The following OGT variants were observed in gnomAD, a reference collection of about 807,000 sequenced individuals.
OGT encodes UDP-N-acetylglucosamine--peptide N-acetylglucosaminyltransferase 110 kDa subunit.
A neutral mutation model predicts 75.8 loss-of-function variants in OGT; 3 were observed. The observed-to-expected ratio is 0.04, with a 90% CI of 0.02 to 0.10. The LOEUF (loss-of-function observed/expected upper bound fraction) is 0.10. OGT is among the 10% of genes least tolerant of loss of function. OGT has a pLI of 1.00. For missense variants in OGT, 260 were observed against 824.4 expected (o/e 0.32, Z 8.38); for synonymous variants, 257 against 289.7 (o/e 0.89, Z 1.15).
intron 5 of OGT, among the ~76,000 whole-genome samples, chrX:71,550,265 G>GTC (rs2040293765): frequency 8.9e-6 from 1 of 112,516 alleles, no homozygotes; most frequent in African/African-American, 3.2e-5. Flanking sequence ...TCCTTTTGAT[G>GTC]ATAGCTATAC....
rs184649648 is a variant in OGT at position 71,575,381 on chromosome X, A to T, written c.*1587A>T. On this transcript the variant is annotated 3_prime_UTR_variant, in exon 22 of 22. Transcript: ENST00000373719. Reference sequence around the variant, plus strand: ...AACCAAATTTTGAGCAAGGAGTCTCAAAGGTAATTCTGAACCAGAATTACA... The same window carrying T: ...AACCAAATTTTGAGCAAGGAGTCTCTAAGGTAATTCTGAACCAGAATTACA... 8.9e-6 allele frequency: 1 copy of T among 112,709 alleles called. No individual in the cohort carries two copies. The highest frequency in any genetic ancestry group is 3.2e-5 in the African/African-American group (1 of 30,994). The allele number at this position is 112,709 out of a possible 1,213,427, so 9.3% of individuals were successfully genotyped here.
intron 1 of OGT, among the ~76,000 whole-genome samples, chrX:71,534,150 C>T (rs1219288348): frequency 9.0e-6 from 1 of 110,857 alleles, no homozygotes; most frequent in Non-Finnish European, 1.9e-5. Context: ...GCGTTGACCA[C>T]CCTGCCCGCC....
In OGT at chrX:71,563,340, T is replaced by C. The variant is rs1489459177; in HGVS notation, c.2277T>C (p.Pro759=). Residue 759 remains proline, a synonymous_variant, in exon 18 of 22, where the codon CCT becomes CCC. Transcript: ENST00000373719. The part of the protein sequence containing the change: ...PDVKIVKMKC[P]DGGDNADSSN... ...CATTTTTTTTTCAGATGAAGTGTCC[T>C]GATGGAGGAGACAATGCAGATAGCA... The C allele has an allele frequency of 8.3e-7, 1 of 1,208,492 alleles. No homozygotes were observed. Among genetic ancestry groups the C allele is most frequent in the Admixed American group, 2.2e-5 (1 of 45,760 alleles).
At chrX:71,546,644 TAA>T in intron 4 of OGT, 2 of 717,367 alleles carry the variant, frequency 2.8e-6, no homozygotes, top group Non-Finnish European at 3.3e-6. Flanking sequence ...CAAAGATAAG[TAA>T]AAGTTAATTG....
chrX:71,567,718 C>T lies in OGT; in HGVS notation c.2808C>T (p.Val936=). Residue 936 remains valine, a synonymous_variant, in exon 20 of 22, where the codon GTC becomes GTT. Transcript: ENST00000373719. The part of the protein sequence containing the change: ...LCNGHTTGMD[V]LWAGTPMVTM... The stretch of plus-strand genomic sequence containing the variant: ...ATGGGCACACCACAGGGATGGATGT[C>T]CTCTGGGCAGGGACCCCCATGGTGA... 2 of 1,201,118 alleles carry T rather than the reference C, an allele frequency of 1.7e-6. No homozygotes were observed. The highest frequency in any genetic ancestry group is 2.3e-6 in the Non-Finnish European group (2 of 887,704).
At chrX:71,546,530 C>T (rs2040259980) in intron 4 of OGT, 1 of 754,376 alleles carries the variant, frequency 1.3e-6, no homozygotes, top group Non-Finnish European at 1.6e-6. Flanking sequence ...AATTTGCCTC[C>T]ATGCCTGAAT....
chrX:71,550,469 G>A (rs966057060), intron 5 of OGT, among the ~76,000 whole-genome samples: 3 of 110,923 alleles, frequency 2.7e-5, no homozygotes, highest in Admixed American at 9.6e-5. Context: ...CTGCAACCTC[G>A]AACTCCTGGG....
chrX:71,562,526 C>CT (rs1442405873), intron 15 of OGT, among the ~76,000 whole-genome samples: 1 of 112,059 alleles, frequency 8.9e-6, no homozygotes, highest in Non-Finnish European at 1.9e-5. Flanking sequence ...TGGCAAGTGC[C>CT]TGTAATCCTG....
chrX:71,547,817 C>G, intron 4 of OGT, 90 bp from the exon 5 acceptor site: 1 of 1,042,341 alleles, frequency 9.6e-7, no homozygotes, highest in Non-Finnish European at 1.3e-6. Flanking sequence ...TTCCCCCCCT[C>G]CCCCCAATCT....
chrX:71,551,360 G>A (rs1192203429), intron 5 of OGT, among the ~76,000 whole-genome samples: 7 of 112,587 alleles, frequency 6.2e-5, no homozygotes, highest in African/African-American at 2.3e-4. Flanking sequence ...GGCCGGGCTT[G>A]GTGGCTCACG....
intron 18 of OGT, among the ~76,000 whole-genome samples, chrX:71,563,880 G>A (rs1005715500): frequency 5.4e-5 from 6 of 111,610 alleles, no homozygotes; most frequent in African/African-American, 1.6e-4. Context: ...CGTACTTACC[G>A]CTAACGTCTC....
At position 71,552,815 on chromosome X, in the gene OGT, G is replaced by T. The variant is rs755059175; in HGVS notation, c.649-1698G>T. Among the ~76,000 whole-genome samples the T allele has an allele frequency of 4.6e-5, 5 of 108,228 alleles. No homozygotes were observed. In the South Asian group the frequency reaches 2.1e-3, roughly 46 times the overall value. The allele number at this position is 108,228 out of a possible 115,157, so 94.0% of individuals were successfully genotyped here. On this transcript the variant is annotated intron_variant, in intron 5 of 21. Coordinates refer to ENST00000373719, the MANE Select transcript of OGT (RefSeq NM_181672.3). ...CTGAGATACATATTGAAGTATTTTT[G>T]AATGGAATATGTCTGGGCTTTGCTT... is the stretch of plus-strand genomic sequence containing the variant.
chrX:71,574,002 C>T lies in OGT; in HGVS notation c.*208C>T. 6.3e-6 allele frequency: 2 copies of T among 317,277 alleles called. No homozygotes were observed. Among genetic ancestry groups the T allele is most frequent in the Non-Finnish European group, 1.1e-5 (2 of 183,699 alleles). 26.1% of individuals were successfully genotyped at this position (317,277 alleles called of 1,213,427 possible). ...GGGAAACTGCTTTTCCACAAGGAAT[C>T]TCCGTAGAATTTTGCGGCGACCAGA... On this transcript the variant is annotated 3_prime_UTR_variant, in exon 22 of 22. Transcript: ENST00000373719.
intron 12 of OGT, among the ~76,000 whole-genome samples, chrX:71,558,132 G>A (rs1410047902): frequency 3.7e-5 from 4 of 108,903 alleles, no homozygotes; most frequent in Non-Finnish European, 7.6e-5. Flanking sequence ...TGTGTTTTTT[G>A]TAGAGATGGG....
chrX:71,556,822 T>A, intron 9 of OGT, 42 bp downstream of exon 9: 1 of 1,044,550 alleles, frequency 9.6e-7, no homozygotes, highest in Non-Finnish European at 1.3e-6. Context: ...TTATTTTTAA[T>A]TTTAAAATGT....
chrX:71,542,946 C>T (rs1407722152), intron 3 of OGT, among the ~76,000 whole-genome samples: 1 of 111,599 alleles, frequency 9.0e-6, no homozygotes, highest in East Asian at 2.8e-4. Context: ...GCCTTTTGTG[C>T]TTGAAGTGAT....
At position 71,547,566 on chromosome X, in the gene OGT, C is replaced by G. The variant is rs903178039; in HGVS notation, c.532-341C>G. On this transcript the variant is annotated intron_variant, in intron 4 of 21. Transcript: ENST00000373719. Reference sequence around the variant, plus strand: ...AGCACTTGAAAACATGACAAGGGCCCGTAGTTGTTTGGATAAGAGAACTCC... The same window carrying G: ...AGCACTTGAAAACATGACAAGGGCCGGTAGTTGTTTGGATAAGAGAACTCC... The G allele has an allele frequency of 4.0e-5, 33 of 825,306 alleles. No individual in the cohort carries two copies. In the East Asian group the frequency reaches 2.6e-3, roughly 66 times the overall value. 68.0% of individuals were successfully genotyped at this position (825,306 alleles called of 1,213,427 possible). A position where few individuals can be genotyped will look rare whatever the true frequency, so the allele number is the denominator to read the frequency against.
At chrX:71,555,407 A>G (rs1315865053) in intron 7 of OGT, 22 bp downstream of exon 7, 3 of 1,175,547 alleles carry the variant, frequency 2.6e-6, no homozygotes, top group South Asian at 3.7e-5. Flanking sequence ...TACTCATTCT[A>G]TTTGTTATCT....
At chrX:71,553,291 G>A (rs34545535) in intron 5 of OGT, among the ~76,000 whole-genome samples, 1 of 110,721 alleles carries the variant, frequency 9.0e-6, no homozygotes, top group Admixed American at 9.6e-5. Context: ...ACGGGGTTTC[G>A]CCATGTTGGC....
Sources: gnomAD v4.1 joint callset for allele counts (sites outside exome capture counted in the v4.1 genomes callset) on GRCh38, gnomAD v4.1.1 for gene constraint, MANE v1.5 for transcripts, NCBI Gene and HGNC (gene_info 2026-07-23, HGNC 2026-07-21) for gene names.